SLC38A8: variants seen among roughly 807,000 people sequenced by gnomAD.
SLC38A8 encodes the protein solute carrier family 38 member 8.
A neutral mutation model predicts 46.0 loss-of-function variants in SLC38A8; 65 were observed. That is an observed-to-expected ratio of 1.41 (90% CI 1.16 to 1.74). SLC38A8 has a LOEUF of 1.74. SLC38A8 is among the 40% of genes most tolerant of loss of function. The pLI, the probability that SLC38A8 is intolerant of heterozygous loss-of-function variation, is 0.00. For synonymous variants in SLC38A8, 447 were observed against 243.7 expected, an observed-to-expected ratio of 1.83 and a Z score of -7.77; for missense variants, 998 against 567.9, an observed-to-expected ratio of 1.76 and a Z score of -7.70.
At chr16:84,021,362 G>A (rs1334796729) in intron 7 of SLC38A8, among the ~76,000 whole-genome samples, 2 of 152,310 alleles carry the variant, frequency 1.3e-5, no homozygotes, top group East Asian at 3.9e-4. Context: ...ACGGCACCCG[G>A]CCAGTTCATC....
chr16:84,034,074 C>G (rs1165487560), intron 3 of SLC38A8, among the ~76,000 whole-genome samples: 1 of 152,178 alleles, frequency 6.6e-6, no homozygotes. Context: ...TCTGGAGGAA[C>G]CCTGATGGCT....
chr16:84,015,877 G>C (rs1567690810), intron 9 of SLC38A8, among the ~76,000 whole-genome samples: 1 of 152,154 alleles, frequency 6.6e-6, no homozygotes, highest in Non-Finnish European at 1.5e-5. Context: ...GGCTAATTTT[G>C]TATTTTTAGT....
intron 2 of SLC38A8, among the ~76,000 whole-genome samples, chr16:84,040,278 G>A (rs147962754): frequency 5.4e-4 from 83 of 152,300 alleles, no homozygotes; most frequent in African/African-American, 2.0e-3. Flanking sequence ...CAAGAGCCAG[G>A]CTGGCTCCTC....
intron 7 of SLC38A8, among the ~76,000 whole-genome samples, chr16:84,020,576 G>A (rs1169475097): frequency 1.3e-5 from 2 of 152,226 alleles, no homozygotes. Flanking sequence ...TGGGGCTGCA[G>A]CACGAGCCAG....
At position 84,009,756 on chromosome 16, in the gene SLC38A8, C is replaced by A. The variant is rs1171619103; in HGVS notation, c.*28G>T. 16 of 1,602,818 alleles carry A rather than the reference C, an allele frequency of 1.0e-5. No individual in the cohort carries two copies. Among genetic ancestry groups the A allele is most frequent in the Non-Finnish European group, 1.3e-5 (15 of 1,173,908 alleles). On this transcript the variant is annotated 3_prime_UTR_variant, in exon 11 of 11. Coordinates refer to ENST00000299709, the MANE Select transcript of SLC38A8 (RefSeq NM_001080442.3). ...CCACGTAGGGTCAGCCCCCGGAGGGCCCCTTCCTGCCCGGCACTAGCTGCC... is the reference window on the plus strand; with the variant it reads ...CCACGTAGGGTCAGCCCCCGGAGGGACCCTTCCTGCCCGGCACTAGCTGCC...
At chr16:84,015,523 G>C (rs1404733569) in intron 9 of SLC38A8, among the ~76,000 whole-genome samples, 1 of 152,040 alleles carries the variant, frequency 6.6e-6, no homozygotes, top group African/African-American at 2.4e-5. Flanking sequence ...CGGTAGCATG[G>C]ACAGAGCTGT....
chr16:84,014,834 G>C (rs1358707273), intron 9 of SLC38A8, among the ~76,000 whole-genome samples: 2 of 152,110 alleles, frequency 1.3e-5, no homozygotes, highest in African/African-American at 4.8e-5. Flanking sequence ...TGGCCTCTTT[G>C]ATAACCAACA....
chr16:84,042,163 G>C lies in SLC38A8; in HGVS notation c.-2-4C>G, dbSNP rs202194881. ...CCTGGGGTCTGTCCCTCCATGGCTA[G>C]AGGCGGCAGAGGGGTGGAGAGAAAG... On this transcript the variant is annotated splice_region_variant and splice_polypyrimidine_tract_variant and intron_variant, in intron 1 of 10. Coordinates refer to ENST00000299709, the MANE Select transcript of SLC38A8 (RefSeq NM_001080442.3). 552 of 1,604,280 alleles carry C rather than the reference G, an allele frequency of 3.4e-4. No homozygotes were observed. In the African/African-American group the frequency reaches 6.8e-3, roughly 20 times the overall value.
intron 2 of SLC38A8, among the ~76,000 whole-genome samples, chr16:84,038,697 C>T (rs529384691): frequency 5.9e-5 from 9 of 152,210 alleles, no homozygotes; most frequent in Non-Finnish European, 1.0e-4. Context: ...CGCCACACCC[C>T]GGACGGTGCC....
chr16:84,022,048 T>C (rs1175184055), intron 7 of SLC38A8, among the ~76,000 whole-genome samples: 6 of 152,136 alleles, frequency 3.9e-5, no homozygotes, highest in South Asian at 2.1e-4. Context: ...CATGCCCCAA[T>C]CCCCTCTTGA....
At chr16:84,010,001 T>G (rs2084935828) in intron 10 of SLC38A8, 124 bp from the exon 11 acceptor site, 1 of 682,374 alleles carries the variant, frequency 1.5e-6, no homozygotes, top group Middle Eastern at 2.6e-4. Flanking sequence ...AAAGAAAAAT[T>G]CAGAATATTT....
rs764146926 is a variant in SLC38A8, at chr16:84,029,542, G to T, written c.642C>A (p.Ser214=). The T allele has an allele frequency of 1.2e-6, 2 of 1,614,166 alleles. No homozygotes were observed. Among genetic ancestry groups the T allele is most frequent in the Non-Finnish European group, 1.7e-6 (2 of 1,180,022 alleles). ...GGAAGACACTGAACACAGAGGTCCA[G>T]GAGGCAGGGCTGTAAACAGACAAGA... ...RESHPSLSPA[S]WTSVFSVFPT... is the part of the protein sequence containing the mutation. Residue 214 remains serine, a synonymous_variant, in exon 6 of 11, where the codon TCC becomes TCA. Transcript: ENST00000299709.
At chr16:84,020,770 C>G (rs1308003543) in intron 7 of SLC38A8, among the ~76,000 whole-genome samples, 1 of 152,174 alleles carries the variant, frequency 6.6e-6, no homozygotes, top group East Asian at 1.9e-4. Flanking sequence ...ATCTGAAATG[C>G]CTTCAGGGTC....
intron 2 of SLC38A8, among the ~76,000 whole-genome samples, chr16:84,038,527 G>C (rs925374564): frequency 1.3e-5 from 2 of 152,102 alleles, no homozygotes; most frequent in Non-Finnish European, 2.9e-5. Flanking sequence ...GAATACTCTG[G>C]CGTGCCTACC....
chr16:84,009,910 T>A (rs996080777), intron 10 of SLC38A8, 33 bp from the exon 11 acceptor site: 3 of 1,598,726 alleles, frequency 1.9e-6, no homozygotes, highest in Non-Finnish European at 2.6e-6. Flanking sequence ...TCAGAGCTTT[T>A]CTGGATTTTT....
intron 7 of SLC38A8, among the ~76,000 whole-genome samples, chr16:84,020,954 T>C (rs1225410913): frequency 2.0e-5 from 3 of 152,200 alleles, no homozygotes; most frequent in Admixed American, 6.5e-5. Context: ...CTTCAAGTCA[T>C]TTTTTGCCTG....
chr16:84,036,760 G>A lies in SLC38A8; in HGVS notation c.330C>T (p.Leu110=), dbSNP rs777956877. The A allele has an allele frequency of 3.1e-6, 5 of 1,614,236 alleles. No individual in the cohort carries two copies. The highest frequency in any genetic ancestry group is 3.3e-5 in the Admixed American group (2 of 60,036). Residue 110 remains leucine, a synonymous_variant, in exon 3 of 11, where the codon CTC becomes CTT. Transcript: ENST00000299709. The part of the protein sequence containing the change: ...IGKLCEACFL[L]NLLMISVAFL... ...AGGCCACGGAGATCATGAGCAGGTTGAGGAGGAAGCAGGCCTCACACAGCT... is the reference window on the plus strand; with the variant it reads ...AGGCCACGGAGATCATGAGCAGGTTAAGGAGGAAGCAGGCCTCACACAGCT...
rs972649149 is a variant in SLC38A8, at chr16:84,034,238, G to A, written c.389-769C>T. Among the ~76,000 whole-genome samples, 8 of 152,236 alleles carry A rather than the reference G, an allele frequency of 5.3e-5. No individual in the cohort carries two copies. In the East Asian group the frequency reaches 1.2e-3, roughly 22 times the overall value. On this transcript the variant is annotated intron_variant, in intron 3 of 10. Transcript: ENST00000299709. ...GCAGAAGCTGCCTGTCCTCTTAAAG[G>A]CCAGACCCAGAATGGGCAGTGTCTC...
chr16:84,009,925 A>C, intron 10 of SLC38A8, 48 bp from the exon 11 acceptor site: 1 of 1,554,802 alleles, frequency 6.4e-7, no homozygotes, highest in Non-Finnish European at 8.8e-7. Context: ...ATTTTTGCAC[A>C]AATAAGCCAC....
Sources: allele counts gnomAD v4.1 joint callset (sites outside exome capture counted in the v4.1 genomes callset), GRCh38; gene constraint gnomAD v4.1.1; transcripts MANE v1.5; gene names NCBI Gene and HGNC (gene_info 2026-07-23, HGNC 2026-07-21).